Variants in PID1 observed in about 807,000 individuals in gnomAD.
The protein encoded by PID1 is phosphotyrosine interaction domain containing 1, also known as PTB-containing, cubilin and LRP1-interacting protein.
Under a neutral mutation model 19.1 loss-of-function variants are expected in PID1, and 10 were observed. The ratio of observed to expected loss-of-function variants is 0.52; its 90% CI spans 0.32 to 0.89. The LOEUF (loss-of-function observed/expected upper bound fraction) is 0.89. Ranked by LOEUF, PID1 falls within the 40% of genes least tolerant of loss-of-function variation. The pLI is 0.03. For synonymous variants in PID1, 130 were observed against 116.0 expected (o/e 1.12, Z -0.78); for missense variants, 248 against 285.3 (o/e 0.87, Z 0.94).
At chr2:229,127,720 C>G (rs369728417) in intron 2 of PID1, among the ~76,000 whole-genome samples, 26 of 152,208 alleles carry the variant, frequency 1.7e-4, no homozygotes, top group African/African-American at 4.3e-4. Context: ...AAAAATGTCT[C>G]CAGACATTGC....
At chr2:229,089,330 T>TTTTAAC (rs1694826517) in intron 2 of PID1, among the ~76,000 whole-genome samples, 1 of 152,234 alleles carries the variant, frequency 6.6e-6, no homozygotes, top group African/African-American at 2.4e-5. Context: ...CTTTGGTATA[T>TTTTAAC]TCTGTTCCTC....
At chr2:229,239,610 A>C (rs1020379167) in intron 1 of PID1, among the ~76,000 whole-genome samples, 3 of 152,146 alleles carry the variant, frequency 2.0e-5, no homozygotes, top group African/African-American at 7.2e-5. Context: ...AAATTTCACA[A>C]TAAACCTTTT....
chr2:229,256,271 G>A (rs367992841), intron 1 of PID1, among the ~76,000 whole-genome samples: 38 of 152,228 alleles, frequency 2.5e-4, no homozygotes, highest in Middle Eastern at 3.4e-3. Flanking sequence ...GTGATCTGAC[G>A]TTTTTCAAAA....
chr2:229,250,893 G>A (rs1690133890), intron 1 of PID1, among the ~76,000 whole-genome samples: 1 of 152,142 alleles, frequency 6.6e-6, no homozygotes, highest in Admixed American at 6.5e-5. Flanking sequence ...TGAGCACAGG[G>A]ACCTCTTCTT....
chr2:229,163,128 TAA>T (rs1442633358), intron 1 of PID1, among the ~76,000 whole-genome samples: 1 of 152,184 alleles, frequency 6.6e-6, no homozygotes, highest in Non-Finnish European at 1.5e-5. Flanking sequence ...TTTTTCATGC[TAA>T]GAGTTTGTCT....
In PID1 at chr2:229,093,059, C is replaced by T. The variant is rs148474211; in HGVS notation, c.177+62759G>A. On this transcript the variant is annotated intron_variant, in intron 2 of 2. Coordinates refer to ENST00000392055, the MANE Select transcript of PID1 (RefSeq NM_001100818.2). ...AGTCTCCTTCACAGTTTGTGATGTT[C>T]GGTCTCCCACTGTTTTCCTTTCTAA... Among the ~76,000 whole-genome samples the T allele has an allele frequency of 6.4e-4, 98 of 152,166 alleles. 2 individuals carry two copies. The highest frequency in any genetic ancestry group is 2.2e-3 in the African/African-American group (90 of 41,540).
In PID1 at chr2:229,074,873, G is replaced by A. The variant is rs560814474; in HGVS notation, c.178-48765C>T. On this transcript the variant is annotated intron_variant, in intron 2 of 2. Transcript: ENST00000392055. ...GCTGTTGAGAAAGTTTTAAAAATGC[G>A]GGGACAAAACTAGTTCGACCAATAT... Among the ~76,000 whole-genome samples the A allele has an allele frequency of 1.4e-4, 21 of 152,238 alleles. 1 individual carries two copies. The highest frequency in any genetic ancestry group is 1.0e-3 in the Admixed American group (16 of 15,282).
chr2:229,218,671 A>G (rs1691900856), intron 1 of PID1, among the ~76,000 whole-genome samples: 1 of 152,196 alleles, frequency 6.6e-6, no homozygotes, highest in Non-Finnish European at 1.5e-5. Flanking sequence ...AGCAGATTCC[A>G]TATACAGAGT....
chr2:229,205,332 T>C (rs1691587607), intron 1 of PID1, among the ~76,000 whole-genome samples: 1 of 152,058 alleles, frequency 6.6e-6, no homozygotes, highest in Non-Finnish European at 1.5e-5. Context: ...TCTGTATATG[T>C]GTACATGTAT....
intron 1 of PID1, among the ~76,000 whole-genome samples, chr2:229,191,814 T>C (rs543572339): frequency 1.5e-4 from 23 of 152,330 alleles, no homozygotes; most frequent in African/African-American, 4.8e-4. Context: ...GTGAGGAATA[T>C]TGTGTATCAC....
At chr2:229,180,416 T>G (rs913170182) in intron 1 of PID1, among the ~76,000 whole-genome samples, 26 of 152,136 alleles carry the variant, frequency 1.7e-4, no homozygotes, top group African/African-American at 6.3e-4. Flanking sequence ...GAATGAAGCT[T>G]TAGGAAGGAA....
chr2:229,028,163 G>C (rs72973194), intron 2 of PID1, among the ~76,000 whole-genome samples: 12,044 of 152,248 alleles, frequency 0.079, 637 homozygotes, highest in Non-Finnish European at 0.11. Flanking sequence ...GGGACCAGAA[G>C]TATTTCAAAT....
chr2:229,141,877 T>TATA (rs3997315), intron 2 of PID1, among the ~76,000 whole-genome samples: 66,479 of 151,570 alleles, frequency 0.44, 14,986 homozygotes, highest in South Asian at 0.57. Flanking sequence ...GAAACGAATG[T>TATA]ATATTTTCAT....
chr2:229,235,156 C>T (rs1275591710), intron 1 of PID1, among the ~76,000 whole-genome samples: 1 of 152,214 alleles, frequency 6.6e-6, no homozygotes, highest in African/African-American at 2.4e-5. Context: ...TCTCTCCCTC[C>T]AGCCCCTCAA....
Position 229,260,816 on chromosome 2 carries a change from C to CTTTTTTTT in PID1, c.30+10197_30+10198insAAAAAAAA, listed in dbSNP as rs1319033110. On this transcript the variant is annotated intron_variant, in intron 1 of 2. Transcript: ENST00000392055. Reference sequence around the variant, plus strand: ...CAGATGTAGAGAAAATTCTGATTGCCATTTTTTTTTTTTTTTTTTTTTTGG... The same window carrying CTTTTTTTT: ...CAGATGTAGAGAAAATTCTGATTGCCTTTTTTTTATTTTTTTTTTTTTTTTTTTTTTGG... Among the ~76,000 whole-genome samples, 9 of 121,190 alleles carry CTTTTTTTT rather than the reference C, an allele frequency of 7.4e-5. 1 individual carries two copies. The highest frequency in any genetic ancestry group is 1.0e-4 in the Non-Finnish European group (6 of 58,664). 79.5% of individuals were successfully genotyped at this position (121,190 alleles called of 152,430 possible).
chr2:229,247,427 T>C (rs1690031428), intron 1 of PID1, among the ~76,000 whole-genome samples: 2 of 152,208 alleles, frequency 1.3e-5, no homozygotes, highest in South Asian at 4.1e-4. Flanking sequence ...GCATGCATCC[T>C]GCCTGTAAGA....
intron 2 of PID1, among the ~76,000 whole-genome samples, chr2:229,097,243 A>T (rs1245859884): frequency 1.3e-5 from 2 of 152,200 alleles, no homozygotes; most frequent in African/African-American, 4.8e-5. Context: ...GCATCGTAAA[A>T]GTAACAACCC....
chr2:229,110,464 G>A (rs916281091), intron 2 of PID1, among the ~76,000 whole-genome samples: 1 of 152,136 alleles, frequency 6.6e-6, no homozygotes, highest in Non-Finnish European at 1.5e-5. Flanking sequence ...GGAATGGGAG[G>A]TACAGCCAAG....
chr2:229,226,934 T>A (rs762273718), intron 1 of PID1, among the ~76,000 whole-genome samples: 51 of 152,274 alleles, frequency 3.3e-4, no homozygotes, highest in African/African-American at 7.2e-4. Context: ...AGAATTTTTT[T>A]AAAAAATTCT....
Sources: allele counts gnomAD v4.1 joint callset (sites outside exome capture counted in the v4.1 genomes callset), GRCh38; gene constraint gnomAD v4.1.1; transcripts MANE v1.5; gene names NCBI Gene and HGNC (gene_info 2026-07-23, HGNC 2026-07-21).